TMEM132C: variants seen among roughly 807,000 people sequenced by gnomAD.
TMEM132C encodes transmembrane protein 132C.
TMEM132C carries 29 observed loss-of-function variants against 61.4 expected under a neutral mutation model. The ratio of observed to expected loss-of-function variants is 0.47; its 90% CI spans 0.35 to 0.64. TMEM132C has a LOEUF of 0.64. Among genes scored for constraint, TMEM132C ranks in the 30% least tolerant of loss-of-function variants. The pLI is 0.00. For missense variants in TMEM132C, 1,408 were observed against 1,476.9 expected (o/e 0.95, Z 0.76); for synonymous variants, 656 against 633.1 (o/e 1.04, Z -0.54).
rs914543986 is a variant in TMEM132C at position 128,693,831 on chromosome 12, G to A, written c.1452G>A (p.Val484=). The A allele has an allele frequency of 1.9e-6, 3 of 1,551,768 alleles. No homozygotes were observed. Among genetic ancestry groups the A allele is most frequent in the Non-Finnish European group, 2.6e-6 (3 of 1,147,012 alleles). The stretch of plus-strand genomic sequence containing the variant: ...CCTTTCTCCCTCTGTCTTTGCAGGT[G>A]TCTGAGCGCTGTGACTACATCTTTG... ...CKSTDEDVIK[V]SERCDYIFVN... The change falls in exon 6 of 9, where the codon GTG becomes GTA. Residue 484 remains valine (V), a splice_region_variant and synonymous_variant. Transcript: ENST00000435159.
At chr12:128,600,553 C>A (rs1276622058) in intron 3 of TMEM132C, among the ~76,000 whole-genome samples, 1 of 152,136 alleles carries the variant, frequency 6.6e-6, no homozygotes, top group East Asian at 1.9e-4. Flanking sequence ...TGGAGTGGAC[C>A]CATGCCTGCT....
intron 1 of TMEM132C, among the ~76,000 whole-genome samples, chr12:128,327,996 G>A (rs935898057): frequency 6.6e-6 from 1 of 152,096 alleles, no homozygotes; most frequent in African/African-American, 2.4e-5. Context: ...CTGGAGGGTA[G>A]AATGAGGTCT....
intron 2 of TMEM132C, among the ~76,000 whole-genome samples, chr12:128,435,361 T>C (rs1869546631): frequency 6.6e-6 from 1 of 152,146 alleles, no homozygotes; most frequent in Non-Finnish European, 1.5e-5. Flanking sequence ...AGTCAAATTG[T>C]CCCTGTTCAC....
At position 128,414,753 on chromosome 12, in the gene TMEM132C, C is replaced by T. The variant is rs925746236; in HGVS notation, c.107C>T (p.Thr36Ile). 3 of 1,530,988 alleles carry T rather than the reference C, an allele frequency of 2.0e-6. No individual in the cohort carries two copies. The highest frequency in any genetic ancestry group is 2.6e-6 in the Non-Finnish European group (3 of 1,141,860). 94.8% of individuals were successfully genotyped at this position (1,530,988 alleles called of 1,614,324 possible). The change falls in exon 2 of 9, where the codon ACA becomes ATA. Residue 36 changes from threonine (T) to isoleucine (I), a missense_variant. Thr to Ile is a moderately conservative substitution (Grantham distance 89). Coordinates refer to ENST00000435159, the MANE Select transcript of TMEM132C (RefSeq NM_001136103.3). ...TTAGTGATAGAGGGTCACGGGGTCA[C>T]AGACAACATACAGAGATTCTCCTCA... ...LGKVIEGHGV[T>I]DNIQRFSSLP...
intron 1 of TMEM132C, among the ~76,000 whole-genome samples, chr12:128,318,046 G>GTGT (rs1334282951): frequency 1.1e-4 from 17 of 152,328 alleles, no homozygotes; most frequent in Middle Eastern, 6.8e-3. Context: ...TAGACAAGAA[G>GTGT]TGTTTATTGA....
At chr12:128,269,537 G>GCCCCAC (rs954606728) in intron 1 of TMEM132C, among the ~76,000 whole-genome samples, 19 of 152,086 alleles carry the variant, frequency 1.2e-4, no homozygotes, top group Non-Finnish European at 2.4e-4. Flanking sequence ...ACGTAGCGAA[G>GCCCCAC]CCCCACCCCT....
chr12:128,583,694 A>G (rs2135561143), intron 3 of TMEM132C, among the ~76,000 whole-genome samples: 1 of 152,328 alleles, frequency 6.6e-6, no homozygotes, highest in South Asian at 2.1e-4. Flanking sequence ...ACGTGTGCTG[A>G]GTATTCCCGA....
intron 2 of TMEM132C, among the ~76,000 whole-genome samples, chr12:128,541,722 A>G (rs893319090): frequency 1.3e-5 from 2 of 152,200 alleles, no homozygotes; most frequent in African/African-American, 4.8e-5. Context: ...GAGCCCCTCA[A>G]CTGCACTTGC....
intron 3 of TMEM132C, among the ~76,000 whole-genome samples, chr12:128,569,099 C>T (rs551277125): frequency 7.2e-5 from 11 of 152,164 alleles, no homozygotes; most frequent in African/African-American, 1.9e-4. Context: ...TGAGCGGGGG[C>T]GTGCTGAGTT....
chr12:128,280,504 T>C (rs1036283416), intron 1 of TMEM132C, among the ~76,000 whole-genome samples: 1 of 152,162 alleles, frequency 6.6e-6, no homozygotes, highest in Non-Finnish European at 1.5e-5. Context: ...TATCCTTATA[T>C]AAGGAAAACA....
Position 128,706,355 on chromosome 12 carries a change from T to C in TMEM132C, c.*60T>C. 2 of 1,451,598 alleles carry C rather than the reference T, an allele frequency of 1.4e-6. No homozygotes were observed. Among genetic ancestry groups the C allele is most frequent in the Non-Finnish European group, 1.8e-6 (2 of 1,104,626 alleles). The allele number at this position is 1,451,598 out of a possible 1,614,324, so 89.9% of individuals were successfully genotyped here. On this transcript the variant is annotated 3_prime_UTR_variant, in exon 9 of 9. Transcript: ENST00000435159. ...TCCTTGTACTGGAAACTGGCCCAAG[T>C]GGGGCAGAAGGCGTTGTCAGTGGGG...
At chr12:128,394,893 T>G (rs1221475000) in intron 1 of TMEM132C, among the ~76,000 whole-genome samples, 2 of 139,326 alleles carry the variant, frequency 1.4e-5, no homozygotes, top group African/African-American at 5.8e-5. Flanking sequence ...GTGAGTACAC[T>G]CTCCCTTATT....
chr12:128,531,829 G>C (rs35239504), intron 2 of TMEM132C, among the ~76,000 whole-genome samples: 68,302 of 151,790 alleles, frequency 0.45, 17,396 homozygotes, highest in African/African-American at 0.7. Context: ...GAAAAGGACA[G>C]TGCCCCCCTC....
chr12:128,311,293 G>A (rs1414709719), intron 1 of TMEM132C, among the ~76,000 whole-genome samples: 2 of 152,302 alleles, frequency 1.3e-5, no homozygotes, highest in Admixed American at 6.5e-5. Context: ...AGCTGGATCC[G>A]AAGGTTGCAC....
At chr12:128,367,845 T>A (rs1393888253) in intron 1 of TMEM132C, among the ~76,000 whole-genome samples, 1 of 152,240 alleles carries the variant, frequency 6.6e-6, no homozygotes, top group Non-Finnish European at 1.5e-5. Context: ...AATTAATTTC[T>A]TCTGCTTCTG....
chr12:128,680,046 C>T (rs1220531717), intron 5 of TMEM132C, among the ~76,000 whole-genome samples: 1 of 152,046 alleles, frequency 6.6e-6, no homozygotes, highest in African/African-American at 2.4e-5. Context: ...AAAGAACAGC[C>T]AGGATGAAGG....
chr12:128,659,339 C>T (rs1954361101), intron 4 of TMEM132C, among the ~76,000 whole-genome samples: 1 of 152,212 alleles, frequency 6.6e-6, no homozygotes, highest in African/African-American at 2.4e-5. Context: ...GACACCTGCT[C>T]TCCCCACAGA....
intron 1 of TMEM132C, among the ~76,000 whole-genome samples, chr12:128,273,905 C>T (rs1022930834): frequency 6.6e-6 from 1 of 152,108 alleles, no homozygotes; most frequent in Non-Finnish European, 1.5e-5. Context: ...TAAAAATTAT[C>T]TTTATGTCTA....
chr12:128,290,849 A>AAC (rs5801789), intron 1 of TMEM132C, among the ~76,000 whole-genome samples: 6 of 53,244 alleles, frequency 1.1e-4, no homozygotes, highest in African/African-American at 2.9e-4. Context: ...CTCATTTAAC[A>AAC]AAAAAAAAAA....
Sources: allele counts gnomAD v4.1 joint callset (sites outside exome capture counted in the v4.1 genomes callset), GRCh38; gene constraint gnomAD v4.1.1; transcripts MANE v1.5; gene names NCBI Gene and HGNC (gene_info 2026-07-23, HGNC 2026-07-21).